The following RNF185 variants were observed in gnomAD, a reference collection of about 807,000 sequenced individuals.
RNF185 encodes the protein ring finger protein 185.
A neutral mutation model predicts 24.9 loss-of-function variants in RNF185; 13 were observed. The ratio of observed to expected loss-of-function variants is 0.52; its 90% CI spans 0.34 to 0.83. The LOEUF (loss-of-function observed/expected upper bound fraction) is 0.83. Ranked by LOEUF, RNF185 falls within the 40% of genes least tolerant of loss-of-function variation. The probability of loss-of-function intolerance (pLI) is 0.01; values close to 1 mark genes in which losing one functional copy is unlikely to be tolerated. For missense variants in RNF185, 184 were observed against 244.7 expected (o/e 0.75, Z 1.65); for synonymous variants, 79 against 90.3 (o/e 0.88, Z 0.71).
rs1385387388 is a variant in RNF185, at chr22:31,182,259, G to C, written c.-48-4788G>C. ...CCTGACTGTCTGGGGCTACAGGTGTGTACCACCACACCCAGCTAATTTTTT... is the reference window on the plus strand; with the variant it reads ...CCTGACTGTCTGGGGCTACAGGTGTCTACCACCACACCCAGCTAATTTTTT... On this transcript the variant is annotated intron_variant, in intron 1 of 6. Transcript: ENST00000326132. Among the ~76,000 whole-genome samples, 7 of 151,620 alleles carry C rather than the reference G, an allele frequency of 4.6e-5. No homozygotes were observed. The South Asian group carries it at 1.5e-3, about 32-fold the overall frequency.
intron 4 of RNF185, 145 bp downstream of exon 4, chr22:31,195,726 G>A (rs1160904161): frequency 6.5e-6 from 4 of 619,460 alleles, no homozygotes; most frequent in Non-Finnish European, 1.1e-5. Context: ...GAGTCAGCTA[G>A]GAGGGGAGGG....
intron 3 of RNF185, 80 bp from the exon 4 acceptor site, chr22:31,195,389 C>G: frequency 1.1e-6 from 1 of 887,736 alleles, no homozygotes; most frequent in Non-Finnish European, 1.8e-6. Flanking sequence ...GGCCTCTGGC[C>G]TGTGTTGTTC....
intron 1 of RNF185, among the ~76,000 whole-genome samples, chr22:31,182,626 T>TA (rs1187045856): frequency 3.3e-5 from 5 of 151,836 alleles, no homozygotes; most frequent in Admixed American, 6.6e-5. Context: ...TATCGAGTAA[T>TA]ACCTAGGCTA....
intron 1 of RNF185, among the ~76,000 whole-genome samples, chr22:31,167,140 T>C (rs1923974746): frequency 6.6e-6 from 1 of 152,238 alleles, no homozygotes; most frequent in Non-Finnish European, 1.5e-5. Context: ...TGTGGTAAGA[T>C]GTACATAACA....
chr22:31,183,187 T>A (rs1035818559), intron 1 of RNF185: 1 of 151,950 alleles, frequency 6.6e-6, no homozygotes, highest in African/African-American at 2.4e-5. Context: ...CCTCCCAAAG[T>A]GCTGGGATTA....
chr22:31,176,446 A>ATATTC (rs2047983264), intron 1 of RNF185, among the ~76,000 whole-genome samples: 1 of 143,504 alleles, frequency 7.0e-6, no homozygotes, highest in South Asian at 2.2e-4. Flanking sequence ...GGCCACATAT[A>ATATTC]TATTCAACTT....
At chr22:31,169,858 C>G (rs1218395592) in intron 1 of RNF185, among the ~76,000 whole-genome samples, 1 of 151,708 alleles carries the variant, frequency 6.6e-6, no homozygotes, top group Non-Finnish European at 1.5e-5. Context: ...TCAAACCGTA[C>G]TTCTCTACTC....
At chr22:31,189,962 C>T (rs1212113902) in intron 2 of RNF185, among the ~76,000 whole-genome samples, 3 of 152,134 alleles carry the variant, frequency 2.0e-5, no homozygotes, top group Non-Finnish European at 2.9e-5. Flanking sequence ...CAGATGCTTC[C>T]AGTCTGGATG....
At chr22:31,192,052 C>T (rs1314147256) in intron 2 of RNF185, among the ~76,000 whole-genome samples, 1 of 151,904 alleles carries the variant, frequency 6.6e-6, no homozygotes, top group Non-Finnish European at 1.5e-5. Context: ...TGAAGGTAAC[C>T]CTTTCTGTCA....
chr22:31,169,921 G>T (rs1924173337), intron 1 of RNF185, among the ~76,000 whole-genome samples: 1 of 149,966 alleles, frequency 6.7e-6, no homozygotes, highest in African/African-American at 2.4e-5. Flanking sequence ...TGGTCGTTGG[G>T]AACAAAGCTC....
chr22:31,193,216 A>AGCAGTAGAGTACCACAC (rs1198146371), intron 3 of RNF185, among the ~76,000 whole-genome samples: 2 of 152,214 alleles, frequency 1.3e-5, no homozygotes, highest in Non-Finnish European at 2.9e-5. Context: ...CCTGGTCGTC[A>AGCAGTAGAGTACCACAC]GCAGTAGAGT....
chr22:31,173,403 T>TCACACACACACACACA (rs1239424812), intron 1 of RNF185, among the ~76,000 whole-genome samples: 7 of 49,982 alleles, frequency 1.4e-4, no homozygotes, highest in African/African-American at 6.2e-4. Flanking sequence ...GTCAACTCAT[T>TCACACACACACACACA]CACACACACA....
intron 1 of RNF185, among the ~76,000 whole-genome samples, chr22:31,171,605 G>A (rs115632029): frequency 6.6e-6 from 1 of 152,306 alleles, no homozygotes; most frequent in South Asian, 2.1e-4. Flanking sequence ...CAATATTATA[G>A]ACTTTTCAAA....
chr22:31,171,036 T>C (rs1186296008), intron 1 of RNF185, among the ~76,000 whole-genome samples: 1 of 152,122 alleles, frequency 6.6e-6, no homozygotes, highest in African/African-American at 2.4e-5. Context: ...TGTTTTTTCT[T>C]AACACTATCA....
At chr22:31,190,552 G>T (rs1304650980) in intron 2 of RNF185, among the ~76,000 whole-genome samples, 1 of 151,368 alleles carries the variant, frequency 6.6e-6, no homozygotes, top group African/African-American at 2.4e-5. Flanking sequence ...CTTCCAAAGT[G>T]CTGGGATTAC....
At chr22:31,189,159 G>T (rs1026446009) in intron 2 of RNF185, among the ~76,000 whole-genome samples, 1 of 147,910 alleles carries the variant, frequency 6.8e-6, no homozygotes, top group Admixed American at 6.8e-5. Flanking sequence ...GTGTGTGTGT[G>T]TGTGTTTGTG....
chr22:31,168,305 C>T (rs1236690933), intron 1 of RNF185, among the ~76,000 whole-genome samples: 2 of 152,182 alleles, frequency 1.3e-5, no homozygotes, highest in Admixed American at 6.5e-5. Context: ...TGTGTGGGCA[C>T]CACTGCACCC....
At chr22:31,162,235 G>C (rs1049134401) in intron 1 of RNF185, among the ~76,000 whole-genome samples, 11 of 152,158 alleles carry the variant, frequency 7.2e-5, no homozygotes, top group Non-Finnish European at 1.6e-4. Flanking sequence ...CTTCCTGCCA[G>C]TTATCGACTT....
intron 5 of RNF185, among the ~76,000 whole-genome samples, chr22:31,198,372 C>G (rs1056685561): frequency 2.7e-5 from 4 of 146,982 alleles, no homozygotes; most frequent in African/African-American, 1.0e-4. Flanking sequence ...TTAAATAATG[C>G]TACAATAACC....
Sources: gnomAD v4.1 joint callset for allele counts (sites outside exome capture counted in the v4.1 genomes callset) on GRCh38, gnomAD v4.1.1 for gene constraint, MANE v1.5 for transcripts, NCBI Gene and HGNC (gene_info 2026-07-23, HGNC 2026-07-21) for gene names.